Variants in PER2 observed in about 807,000 individuals in gnomAD.
PER2 encodes period circadian protein homolog 2.
A neutral mutation model predicts 121.0 loss-of-function variants in PER2; 66 were observed. That is an observed-to-expected ratio of 0.55 (90% CI 0.45 to 0.67). The LOEUF (loss-of-function observed/expected upper bound fraction) is 0.67, where lower values mean the gene tolerates loss of function less well. Ranked by LOEUF, PER2 falls within the 30% of genes least tolerant of loss-of-function variation. The pLI is 0.00. For synonymous variants in PER2, 684 were observed against 659.9 expected, an observed-to-expected ratio of 1.04 and a Z score of -0.56; for missense variants, 1,521 against 1,635.0, an observed-to-expected ratio of 0.93 and a Z score of 1.20.
chr2:238,248,498 A>C (rs914804186), intron 22 of PER2, among the ~76,000 whole-genome samples: 1 of 152,126 alleles, frequency 6.6e-6, no homozygotes, highest in South Asian at 2.1e-4. Flanking sequence ...TGTAAAATAG[A>C]AAACAGAATT....
chr2:238,295,872 G>T, the PER2 span: 1 of 199,534 alleles, frequency 5.0e-6, no homozygotes, highest in Non-Finnish European at 1.0e-5. Flanking sequence ...GGAAAAACGG[G>T]CTCCCTCTGG....
chr2:238,294,539 G>C (rs939969141), upstream of PER2, among the ~76,000 whole-genome samples: 6 of 152,196 alleles, frequency 3.9e-5, no homozygotes, highest in African/African-American at 1.4e-4. Flanking sequence ...GCTGTGTTTA[G>C]GCATCACGCT....
chr2:238,298,682 C>G, the PER2 span: 4 of 152,202 alleles, frequency 2.6e-5, no homozygotes, highest in African/African-American at 9.7e-5. Flanking sequence ...CGCTGGTGAC[C>G]GTTCATCACA....
intron 4 of PER2, among the ~76,000 whole-genome samples, chr2:238,274,088 C>T (rs144088873): frequency 6.6e-6 from 1 of 152,318 alleles, no homozygotes; most frequent in Non-Finnish European, 1.5e-5. Context: ...GAACTGACTG[C>T]TTAAAAAAAT....
chr2:238,260,327 T>C (rs950240263), intron 13 of PER2, among the ~76,000 whole-genome samples: 18 of 151,928 alleles, frequency 1.2e-4, no homozygotes, highest in African/African-American at 3.9e-4. Context: ...CGCAATCTTG[T>C]CTCTCTGCAA....
chr2:238,250,802 T>C, intron 20 of PER2, 59 bp from the exon 21 acceptor site: 1 of 1,218,840 alleles, frequency 8.2e-7, no homozygotes, highest in East Asian at 2.3e-5. Flanking sequence ...AAACCTTGCA[T>C]AATGTGCTTC....
intron 11 of PER2, 150 bp from the exon 12 acceptor site, chr2:238,261,987 T>C (rs1695948401): frequency 1.1e-5 from 8 of 738,098 alleles, no homozygotes; most frequent in Non-Finnish European, 1.8e-5. Flanking sequence ...CTCCCTACTC[T>C]GCTTGAATGA....
Position 238,245,658 on chromosome 2 carries a change from AG to A in PER2, c.*716del. Reference sequence around the variant, plus strand: ...ACAAGAATAATGCAGAAATATACAGAGGGTCTGTCTGCGTGTGCATTCATCC... The same window carrying A: ...ACAAGAATAATGCAGAAATATACAGAGGTCTGTCTGCGTGTGCATTCATCC... On this transcript the variant is annotated 3_prime_UTR_variant, in exon 23 of 23. Transcript: ENST00000254657. 2.5e-6 allele frequency: 1 copy of A among 398,628 alleles called. No individual in the cohort carries two copies. Among genetic ancestry groups the A allele is most frequent in the South Asian group, 1.3e-4 (1 of 7,860 alleles). The allele number at this position is 398,628 out of a possible 1,614,324, so 24.7% of individuals were successfully genotyped here. A position where few individuals can be genotyped will look rare whatever the true frequency, so the allele number is the denominator to read the frequency against.
chr2:238,275,634 G>C (rs1696428334), intron 4 of PER2, 109 bp downstream of exon 4: 5 of 1,218,606 alleles, frequency 4.1e-6, no homozygotes, highest in Middle Eastern at 2.7e-4. Flanking sequence ...GCTGCAGTGA[G>C]CTGCGATGAG....
chr2:238,289,217 G>C (rs1574866355), upstream of PER2: 3 of 152,332 alleles, frequency 2.0e-5, no homozygotes, highest in East Asian at 5.8e-4. Context: ...CCACCGGCCA[G>C]AGGCGCGCCC....
At chr2:238,297,139 C>T in the PER2 span, among the ~76,000 whole-genome samples, 1 of 152,212 alleles carries the variant, frequency 6.6e-6, no homozygotes, top group Admixed American at 6.5e-5. Context: ...ACTGCCAATG[C>T]AGACCTTCCA....
Position 238,264,101 on chromosome 2 carries a change from CAAG to C in PER2, c.1047-1046_1047-1044del, listed in dbSNP as rs1464758011. ...AGCCAGGCCACACACAAGGCTTCAT[CAAG>C]GAGAGCTTGCAGGCTGTGGCCCATC... On this transcript the variant is annotated intron_variant, in intron 9 of 22. Transcript: ENST00000254657. Among the ~76,000 whole-genome samples, 4 of 152,178 alleles carry C rather than the reference CAAG, an allele frequency of 2.6e-5. No individual in the cohort carries two copies. The East Asian group carries it at 7.7e-4, about 29-fold the overall frequency.
chr2:238,271,599 C>A (rs558809308), intron 5 of PER2, 86 bp from the exon 6 acceptor site: 2 of 1,031,624 alleles, frequency 1.9e-6, no homozygotes, highest in Non-Finnish European at 3.0e-6. Context: ...TGGAGGGAGC[C>A]GCCCACCAGG....
At chr2:238,263,410 T>C (rs1293460003) in intron 9 of PER2, among the ~76,000 whole-genome samples, 1 of 152,244 alleles carries the variant, frequency 6.6e-6, no homozygotes, top group Non-Finnish European at 1.5e-5. Flanking sequence ...TGACCTGGCA[T>C]GGATTTTTGC....
chr2:238,299,407 T>C, the PER2 span: 1 of 139,628 alleles, frequency 7.2e-6, no homozygotes, highest in African/African-American at 2.7e-5. Context: ...CCAGGCGTGG[T>C]AGTGCGTGCT....
At position 238,249,137 on chromosome 2, in the gene PER2, C is replaced by G; in HGVS notation, c.3543G>C (p.Glu1181Asp). 6.2e-7 allele frequency: 1 copy of G among 1,614,186 alleles called. No homozygotes were observed. Among genetic ancestry groups the G allele is most frequent in the Non-Finnish European group, 8.5e-7 (1 of 1,179,988 alleles). ...LLQKLQPRFT[E>D]SQKQELREVH... Reference sequence around the variant, plus strand: ...CCTCGCGCAGCTCCTGCTTCTGACTCTCCGTGAACCTGGGCTGGAGTTTCT... The same window carrying G: ...CCTCGCGCAGCTCCTGCTTCTGACTGTCCGTGAACCTGGGCTGGAGTTTCT... The change falls in exon 22 of 23, where the codon GAG becomes GAC. Residue 1181 changes from glutamate to aspartate, a missense_variant. Coordinates refer to ENST00000254657, the MANE Select transcript of PER2 (RefSeq NM_022817.3).
Position 238,251,606 on chromosome 2 carries a change from A to G in PER2, c.3267T>C (p.Ser1089=). 3 of 1,613,940 alleles carry G rather than the reference A, an allele frequency of 1.9e-6. No individual in the cohort carries two copies. The highest frequency in any genetic ancestry group is 2.5e-6 in the Non-Finnish European group (3 of 1,179,970). ...CCGCCAGGGCCAACATACCTGCCCCACTCGGGGAGGCGTCGCAGCCCAGTG... is the reference window on the plus strand; with the variant it reads ...CCGCCAGGGCCAACATACCTGCCCCGCTCGGGGAGGCGTCGCAGCCCAGTG... The part of the protein sequence containing the change: ...SGSLGCDASP[S]GAGSSDTSHT... The change falls in exon 20 of 23, where the codon AGT becomes AGC. Residue 1089 remains serine (S), a synonymous_variant. Coordinates refer to ENST00000254657, the MANE Select transcript of PER2 (RefSeq NM_022817.3).
the PER2 span, among the ~76,000 whole-genome samples, chr2:238,297,888 T>C: frequency 2.0e-5 from 3 of 152,200 alleles, no homozygotes; most frequent in Non-Finnish European, 4.4e-5. Context: ...ACAAGCTGCA[T>C]GAGGACATGC....
At chr2:238,251,402 G>A (rs1383313907) in intron 20 of PER2, among the ~76,000 whole-genome samples, 197 bp downstream of exon 20, 2 of 152,252 alleles carry the variant, frequency 1.3e-5, no homozygotes, top group East Asian at 1.9e-4. Flanking sequence ...CAGGGAGGAT[G>A]TGGAATTCTG....
Sources: gnomAD v4.1 joint callset for allele counts (sites outside exome capture counted in the v4.1 genomes callset) on GRCh38, gnomAD v4.1.1 for gene constraint, MANE v1.5 for transcripts, NCBI Gene and HGNC (gene_info 2026-07-23, HGNC 2026-07-21) for gene names.